FARP1: variants seen among roughly 807,000 people sequenced by gnomAD.
FARP1 encodes FERM, ARH/RhoGEF and pleckstrin domain protein 1.
A neutral mutation model predicts 128.8 loss-of-function variants in FARP1; 52 were observed. That is an observed-to-expected ratio of 0.40 (90% confidence interval 0.32 to 0.51). The LOEUF is 0.51. FARP1 is among the 20% of genes least tolerant of loss of function. The probability of loss-of-function intolerance (pLI) is 0.45; values close to 1 mark genes in which losing one functional copy is unlikely to be tolerated. For missense variants in FARP1, 1,333 were observed against 1,367.9 expected, an observed-to-expected ratio of 0.97 and a Z score of 0.40; for synonymous variants, 580 against 551.8, an observed-to-expected ratio of 1.05 and a Z score of -0.72.
At chr13:98,425,367 G>GT (rs60633064) in intron 17 of FARP1, 29,361 of 147,216 alleles carry the variant, frequency 0.2, 3,167 homozygotes, top group East Asian at 0.42. Context: ...GGCAAATATA[G>GT]TTTTTTTTTT....
chr13:98,185,474 A>G (rs144225489), intron 1 of FARP1, among the ~76,000 whole-genome samples: 3 of 152,292 alleles, frequency 2.0e-5, no homozygotes, highest in African/African-American at 7.2e-5. Flanking sequence ...CCTCGTGATC[A>G]GAACACCCAT....
intron 2 of FARP1, among the ~76,000 whole-genome samples, chr13:98,218,168 C>A (rs1881200907): frequency 6.6e-6 from 1 of 151,652 alleles, no homozygotes; most frequent in Non-Finnish European, 1.5e-5. Context: ...CCATGCTGCC[C>A]TGTTCTTACC....
At chr13:98,301,362 A>G (rs1885916936) in intron 2 of FARP1, among the ~76,000 whole-genome samples, 1 of 152,204 alleles carries the variant, frequency 6.6e-6, no homozygotes. Flanking sequence ...GAAGTCAGAC[A>G]GGTCTGCTTG....
At chr13:98,192,543 C>T (rs1217909715) in intron 1 of FARP1, among the ~76,000 whole-genome samples, 2 of 152,086 alleles carry the variant, frequency 1.3e-5, no homozygotes, top group Non-Finnish European at 2.9e-5. Flanking sequence ...ACATCTGCTA[C>T]GACGCCTGGG....
intron 10 of FARP1, 95 bp downstream of exon 10, chr13:98,390,215 A>T: frequency 7.4e-7 from 1 of 1,353,438 alleles, no homozygotes; most frequent in Non-Finnish European, 1.0e-6. Context: ...AGGGAGGTGA[A>T]CGCTCATTGG....
At chr13:98,437,031 G>A (rs1004816948) in intron 19 of FARP1, among the ~76,000 whole-genome samples, 3 of 152,154 alleles carry the variant, frequency 2.0e-5, no homozygotes, top group African/African-American at 7.2e-5. Context: ...CCATGCACAT[G>A]GAGACCATGG....
chr13:98,386,197 T>C (rs942370442), intron 8 of FARP1, among the ~76,000 whole-genome samples: 1 of 151,518 alleles, frequency 6.6e-6, no homozygotes, highest in East Asian at 1.9e-4. Context: ...CTTTTTTTTT[T>C]TTTTTTTTTT....
chr13:98,370,296 G>A (rs1250718471), intron 5 of FARP1, among the ~76,000 whole-genome samples: 1 of 152,230 alleles, frequency 6.6e-6, no homozygotes, highest in Non-Finnish European at 1.5e-5. Context: ...GGAGTGTTGG[G>A]AGCGTCGTGG....
At chr13:98,409,620 A>G (rs1891115628) in intron 14 of FARP1, 95 bp downstream of exon 14, 3 of 1,167,568 alleles carry the variant, frequency 2.6e-6, no homozygotes, top group Non-Finnish European at 1.2e-6. Flanking sequence ...ATAAGAGCAA[A>G]GGTACCATGT....
chr13:98,315,932 A>G (rs1366127618), intron 2 of FARP1, among the ~76,000 whole-genome samples: 2 of 152,162 alleles, frequency 1.3e-5, no homozygotes, highest in African/African-American at 4.8e-5. Context: ...GATAATCTTC[A>G]GTGGTTTCAG....
chr13:98,434,571 G>A lies in FARP1; in HGVS notation c.2144-1005G>A, dbSNP rs72652232. ...GACCAAACTACCCAAGTGCTCAGCC[G>A]CTGGGGACTTGAGTGCCACCCAAAC... is the stretch of plus-strand genomic sequence containing the variant. On this transcript the variant is annotated intron_variant, in intron 18 of 26. Coordinates refer to ENST00000319562, the MANE Select transcript of FARP1 (RefSeq NM_005766.4). 6.2e-3 allele frequency: 946 copies of A among 152,298 alleles called. 5 individuals are homozygous for A. The highest frequency in any genetic ancestry group is 9.2e-3 in the Non-Finnish European group (625 of 68,038). The allele number at this position is 152,298 out of a possible 1,614,324, so 9.4% of individuals were successfully genotyped here.
Position 98,322,035 on chromosome 13 carries a change from C to T in FARP1, c.172-21727C>T, listed in dbSNP as rs112659198. Reference sequence around the variant, plus strand: ...GCACAGGGCCAGGAGCGGTGGCTCACGCCTTTAGTCCCAGCACTCTGGAAG... The same window carrying T: ...GCACAGGGCCAGGAGCGGTGGCTCATGCCTTTAGTCCCAGCACTCTGGAAG... On this transcript the variant is annotated intron_variant, in intron 2 of 26. Transcript: ENST00000319562. Among the ~76,000 whole-genome samples, 280 of 152,310 alleles carry T rather than the reference C, an allele frequency of 1.8e-3. 1 individual carries two copies. The highest frequency in any genetic ancestry group is 6.2e-3 in the African/African-American group (259 of 41,564).
chr13:98,448,254 C>T lies in FARP1; in HGVS notation c.3075C>T (p.Arg1025=). The change falls in exon 27 of 27, where the codon CGC becomes CGT. Residue 1025 remains arginine, a synonymous_variant. Transcript: ENST00000319562. ...YTFERWMEVI[R]SATSSASRPH... is the part of the protein sequence containing the mutation. ...GTTGCAGGTGGATGGAAGTGATCCG[C>T]AGTGCCACCAGCTCTGCCTCGCGAC... The T allele has an allele frequency of 6.2e-7, 1 of 1,614,008 alleles. No individual in the cohort carries two copies. Among genetic ancestry groups the T allele is most frequent in the Non-Finnish European group, 8.5e-7 (1 of 1,179,864 alleles).
intron 2 of FARP1, among the ~76,000 whole-genome samples, chr13:98,313,386 G>A (rs1886578117): frequency 2.6e-5 from 4 of 151,654 alleles, no homozygotes. Context: ...GATGATGGGG[G>A]CAGAGACTGC....
At chr13:98,273,974 A>C (rs915710737) in intron 2 of FARP1, among the ~76,000 whole-genome samples, 1 of 152,206 alleles carries the variant, frequency 6.6e-6, no homozygotes. Context: ...TAAAAATGAC[A>C]ACACCATGGT....
chr13:98,317,071 G>A (rs1325348111), intron 2 of FARP1, among the ~76,000 whole-genome samples: 4 of 152,184 alleles, frequency 2.6e-5, no homozygotes, highest in Non-Finnish European at 5.9e-5. Flanking sequence ...ACACAGCCAT[G>A]TGGAGTGCAG....
At chr13:98,301,617 C>T (rs1885928497) in intron 2 of FARP1, among the ~76,000 whole-genome samples, 1 of 152,086 alleles carries the variant, frequency 6.6e-6, no homozygotes, top group Admixed American at 6.5e-5. Context: ...CTAGATAATA[C>T]TGTGCATTTA....
chr13:98,169,876 T>C (rs553414941), intron 1 of FARP1, among the ~76,000 whole-genome samples: 1 of 149,660 alleles, frequency 6.7e-6, no homozygotes, highest in Admixed American at 6.6e-5. Context: ...TTTCCTAAGT[T>C]TTCAAAAAAA....
At chr13:98,435,209 C>A (rs3818357) in intron 18 of FARP1, among the ~76,000 whole-genome samples, 43,057 of 151,846 alleles carry the variant, frequency 0.28, 6,316 homozygotes, top group African/African-American at 0.33. Flanking sequence ...GCTCACTGTG[C>A]CTTGTTCTTT....
Sources: allele counts gnomAD v4.1 joint callset (sites outside exome capture counted in the v4.1 genomes callset), GRCh38; gene constraint gnomAD v4.1.1; transcripts MANE v1.5; gene names NCBI Gene and HGNC (gene_info 2026-07-23, HGNC 2026-07-21).